The following PTPRT variants were observed in gnomAD, a reference collection of about 807,000 sequenced individuals.
PTPRT encodes the protein protein tyrosine phosphatase receptor type T.
Under a neutral mutation model 176.8 loss-of-function variants are expected in PTPRT, and 56 were observed. That is an observed-to-expected ratio of 0.32 (90% confidence interval 0.26 to 0.40). PTPRT has a LOEUF of 0.40. Ranked by LOEUF, PTPRT falls within the 10% of genes least tolerant of loss-of-function variation. The probability of loss-of-function intolerance (pLI) is 1.00; values close to 1 mark genes in which losing one functional copy is unlikely to be tolerated. For missense variants in PTPRT, 1,540 were observed against 1,908.2 expected, an observed-to-expected ratio of 0.81 and a Z score of 3.60; for synonymous variants, 783 against 739.0, an observed-to-expected ratio of 1.06 and a Z score of -0.96.
At chr20:42,886,486 A>G (rs964127835) in intron 1 of PTPRT, among the ~76,000 whole-genome samples, 1 of 152,256 alleles carries the variant, frequency 6.6e-6, no homozygotes, top group Non-Finnish European at 1.5e-5. Context: ...AGTAACTGCC[A>G]CAGAATACTT....
chr20:42,332,344 A>C (rs987266635), intron 11 of PTPRT, among the ~76,000 whole-genome samples: 1 of 151,946 alleles, frequency 6.6e-6, no homozygotes, highest in African/African-American at 2.4e-5. Flanking sequence ...CGAGTAGCTG[A>C]GACTACAGGT....
At chr20:42,704,662 C>T (rs913127367) in intron 6 of PTPRT, among the ~76,000 whole-genome samples, 1 of 152,098 alleles carries the variant, frequency 6.6e-6, no homozygotes, top group African/African-American at 2.4e-5. Flanking sequence ...CCCAGGTAGA[C>T]AAAACAAACC....
At chr20:43,085,717 TCCC>T (rs1420105067) in intron 1 of PTPRT, among the ~76,000 whole-genome samples, 14 of 151,934 alleles carry the variant, frequency 9.2e-5, no homozygotes, top group South Asian at 2.1e-4. Flanking sequence ...CGAAAAACCC[TCCC>T]CCATGATTCA....
intron 2 of PTPRT, among the ~76,000 whole-genome samples, chr20:42,857,369 A>G (rs1370610558): frequency 6.6e-6 from 1 of 152,184 alleles, no homozygotes; most frequent in Non-Finnish European, 1.5e-5. Flanking sequence ...TGCTCCTTAG[A>G]GCTAGAATTA....
At chr20:43,050,999 G>C (rs754421031) in intron 1 of PTPRT, among the ~76,000 whole-genome samples, 2 of 152,218 alleles carry the variant, frequency 1.3e-5, no homozygotes, top group Non-Finnish European at 2.9e-5. Flanking sequence ...TCTCTGGAAT[G>C]ACAAATTGTA....
chr20:42,705,309 C>T (rs2076036729), intron 6 of PTPRT, among the ~76,000 whole-genome samples: 1 of 151,900 alleles, frequency 6.6e-6, no homozygotes, highest in Non-Finnish European at 1.5e-5. Flanking sequence ...TGCAAGTGGG[C>T]TGAGTCCGAG....
intron 9 of PTPRT, among the ~76,000 whole-genome samples, chr20:42,430,698 G>A (rs1401888176): frequency 6.6e-6 from 1 of 152,174 alleles, no homozygotes; most frequent in Non-Finnish European, 1.5e-5. Flanking sequence ...TGCTATTGAA[G>A]GGCAAAGGGG....
intron 1 of PTPRT, among the ~76,000 whole-genome samples, chr20:42,958,972 A>C (rs1981833342): frequency 6.6e-6 from 1 of 152,216 alleles, no homozygotes. Context: ...TAGTATTCCC[A>C]CTGTCTGTCT....
chr20:42,218,554 A>G (rs1439008770), intron 15 of PTPRT, among the ~76,000 whole-genome samples: 1 of 152,086 alleles, frequency 6.6e-6, no homozygotes, highest in African/African-American at 2.4e-5. Context: ...TTTCCCTCCT[A>G]TTAGCACTGT....
chr20:42,640,214 A>G, intron 7 of PTPRT, among the ~76,000 whole-genome samples: 1 of 152,104 alleles, frequency 6.6e-6, no homozygotes, highest in East Asian at 1.9e-4. Context: ...AGAATATTAG[A>G]GATTTCATAA....
At chr20:42,460,388 T>C (rs1199801469) in intron 8 of PTPRT, among the ~76,000 whole-genome samples, 2 of 152,218 alleles carry the variant, frequency 1.3e-5, no homozygotes, top group Admixed American at 6.5e-5. Context: ...GCTGTTTTCC[T>C]GCTACAATGG....
intron 1 of PTPRT, among the ~76,000 whole-genome samples, chr20:43,130,603 G>GA (rs111912511): frequency 9.2e-5 from 14 of 151,812 alleles, no homozygotes; most frequent in South Asian, 2.1e-4. Flanking sequence ...TTTACATATT[G>GA]AAAAAAAATT....
intron 1 of PTPRT, among the ~76,000 whole-genome samples, chr20:42,909,772 G>A (rs2079521781): frequency 6.6e-6 from 1 of 152,134 alleles, no homozygotes; most frequent in South Asian, 2.1e-4. Context: ...GGCCTTGGGG[G>A]ACCAGATCAC....
At chr20:42,339,426 A>G (rs2058082599) in intron 11 of PTPRT, among the ~76,000 whole-genome samples, 1 of 152,226 alleles carries the variant, frequency 6.6e-6, no homozygotes, top group African/African-American at 2.4e-5. Context: ...TGAAACACAC[A>G]CTGAGAGAGA....
intron 11 of PTPRT, among the ~76,000 whole-genome samples, chr20:42,334,148 C>T (rs1054751869): frequency 6.6e-6 from 1 of 152,046 alleles, no homozygotes; most frequent in African/African-American, 2.4e-5. Flanking sequence ...TCTATTAAGA[C>T]CCCCATGGTT....
At chr20:42,376,670 T>C (rs2058651710) in intron 9 of PTPRT, among the ~76,000 whole-genome samples, 1 of 152,108 alleles carries the variant, frequency 6.6e-6, no homozygotes, top group African/African-American at 2.4e-5. Context: ...ATATCAGCAG[T>C]GTTCATGACA....
intron 9 of PTPRT, among the ~76,000 whole-genome samples, chr20:42,377,154 C>T (rs2145619233): frequency 6.6e-6 from 1 of 152,270 alleles, no homozygotes; most frequent in Middle Eastern, 3.4e-3. Flanking sequence ...TTCACCTGTG[C>T]TTGAAGAACC....
chr20:42,315,809 T>C lies in PTPRT; in HGVS notation c.2053A>G (p.Lys685Glu). ...GGGTTCCAGTAGCCATTGTATGTCT[T>C]ATTGTCACCCACTGTAAATGGCTGG... ...VTQPFTVGDN[K>E]TYNGYWNPPL... The change falls in exon 12 of 31, where the codon AAG becomes GAG. Residue 685 changes from lysine (K) to glutamate (E), a missense_variant. By Grantham distance (56) the Lys-to-Glu change is moderately conservative (BLOSUM62 1). Coordinates refer to ENST00000373187, the MANE Select transcript of PTPRT (RefSeq NM_007050.6). 1 of 1,614,102 alleles carries C rather than the reference T, an allele frequency of 6.2e-7. No homozygotes were observed.
intron 11 of PTPRT, among the ~76,000 whole-genome samples, chr20:42,337,753 G>A (rs2058060202): frequency 1.3e-5 from 2 of 152,132 alleles, no homozygotes; most frequent in Admixed American, 6.6e-5. Flanking sequence ...ATTCGATCTG[G>A]GACCAAACTT....
Sources: allele counts gnomAD v4.1 joint callset (sites outside exome capture counted in the v4.1 genomes callset), GRCh38; gene constraint gnomAD v4.1.1; transcripts MANE v1.5; gene names NCBI Gene and HGNC (gene_info 2026-07-23, HGNC 2026-07-21).